Variants in DLGAP4 observed in about 807,000 individuals in gnomAD.
DLGAP4 encodes disks large-associated protein 4.
DLGAP4 carries 18 observed loss-of-function variants against 86.9 expected under a neutral mutation model. That is an observed-to-expected ratio of 0.21 (90% CI 0.14 to 0.31). The LOEUF is 0.31. Ranked by LOEUF, DLGAP4 falls within the 10% of genes least tolerant of loss-of-function variation. The probability of loss-of-function intolerance (pLI) is 1.00; values close to 1 mark genes in which losing one functional copy is unlikely to be tolerated. For missense variants in DLGAP4, 1,085 were observed against 1,362.6 expected, an observed-to-expected ratio of 0.80 and a Z score of 3.21; for synonymous variants, 548 against 574.3, an observed-to-expected ratio of 0.95 and a Z score of 0.65.
At chr20:36,369,577 T>C (rs780419232) in intron 2 of DLGAP4, among the ~76,000 whole-genome samples, 1 of 151,964 alleles carries the variant, frequency 6.6e-6, no homozygotes, top group East Asian at 1.9e-4. Context: ...CCAGACTCTG[T>C]CTCAAAAAAT....
chr20:36,523,841 T>C (rs2037533260), intron 10 of DLGAP4, among the ~76,000 whole-genome samples: 1 of 152,122 alleles, frequency 6.6e-6, no homozygotes, highest in South Asian at 2.1e-4. Context: ...TTTTCATATA[T>C]TTGTAGAGAC....
intron 7 of DLGAP4, among the ~76,000 whole-genome samples, chr20:36,489,270 A>C (rs1338497218): frequency 6.6e-6 from 1 of 152,104 alleles, no homozygotes; most frequent in African/African-American, 2.4e-5. Context: ...GCACATATAG[A>C]ATTAGTAAGT....
chr20:36,358,661 A>C (rs2030414148), intron 1 of DLGAP4, among the ~76,000 whole-genome samples: 1 of 152,108 alleles, frequency 6.6e-6, no homozygotes, highest in African/African-American at 2.4e-5. Context: ...ACAAAAAATT[A>C]GCCGGGTGTG....
At chr20:36,474,594 T>C (rs2147677450) in intron 7 of DLGAP4, among the ~76,000 whole-genome samples, 1 of 152,288 alleles carries the variant, frequency 6.6e-6, no homozygotes, top group Non-Finnish European at 1.5e-5. Context: ...GATGCAGTAA[T>C]AGGAGTTGTC....
At chr20:36,415,453 G>T (rs2032626215) in intron 2 of DLGAP4, among the ~76,000 whole-genome samples, 1 of 152,120 alleles carries the variant, frequency 6.6e-6, no homozygotes, top group African/African-American at 2.4e-5. Context: ...GCCCTGTCTG[G>T]CTCTAGAGCC....
chr20:36,318,988 A>C (rs1463561062), intron 1 of DLGAP4, among the ~76,000 whole-genome samples: 1 of 152,054 alleles, frequency 6.6e-6, no homozygotes, highest in Non-Finnish European at 1.5e-5. Context: ...TACTAAAAAT[A>C]CAAAAATTAG....
At chr20:36,515,740 C>A (rs879460924) in intron 10 of DLGAP4, among the ~76,000 whole-genome samples, 2 of 152,290 alleles carry the variant, frequency 1.3e-5, no homozygotes, top group Middle Eastern at 3.4e-3. Flanking sequence ...TTCTGAGGTG[C>A]CTTTTTTCCT....
At chr20:36,382,993 C>T (rs1452432336) in intron 2 of DLGAP4, among the ~76,000 whole-genome samples, 1 of 152,200 alleles carries the variant, frequency 6.6e-6, no homozygotes, top group East Asian at 1.9e-4. Context: ...AAGCTGTTTA[C>T]TAAGCCCTTT....
At chr20:36,477,882 A>G (rs1192404419) in intron 7 of DLGAP4, among the ~76,000 whole-genome samples, 1 of 152,238 alleles carries the variant, frequency 6.6e-6, no homozygotes, top group Non-Finnish European at 1.5e-5. Flanking sequence ...GTCATACGGC[A>G]CTTCACTGGT....
At chr20:36,317,331 CTT>C (rs2065118506) in intron 1 of DLGAP4, among the ~76,000 whole-genome samples, 2 of 120,646 alleles carry the variant, frequency 1.7e-5, no homozygotes, top group Non-Finnish European at 3.6e-5. Flanking sequence ...CTTCCTTCCT[CTT>C]TCTCTCTTTC....
At chr20:36,453,934 CAAAAAAAAAA>C (rs1194294335) in intron 7 of DLGAP4, among the ~76,000 whole-genome samples, 4 of 42,694 alleles carry the variant, frequency 9.4e-5, no homozygotes, top group African/African-American at 2.6e-4. Context: ...ACTCTGTCTC[CAAAAAAAAAA>C]AAAAAAAAAA....
At chr20:36,367,416 C>T (rs1302595550) in intron 2 of DLGAP4, 141 bp downstream of exon 2, 3 of 152,224 alleles carry the variant, frequency 2.0e-5, no homozygotes, top group East Asian at 1.9e-4. Flanking sequence ...GTCTGGGCAC[C>T]ATTTATAGTT....
intron 7 of DLGAP4, chr20:36,461,405 CGCGGGGG>C: frequency 2.1e-6 from 2 of 962,194 alleles, no homozygotes; most frequent in Non-Finnish European, 2.5e-6. Context: ...GCGCGGCTGA[CGCGGGGG>C]GCGGGGAGGG....
rs906032493 is a variant in DLGAP4 at position 36,499,376 on chromosome 20, C to CGCCCGCCT, written c.2011-203_2011-196dup. 6 of 1,549,598 alleles carry CGCCCGCCT rather than the reference C, an allele frequency of 3.9e-6. No individual in the cohort carries two copies. In the African/African-American group the frequency reaches 4.1e-5, roughly 11 times the overall value. Reference sequence around the variant, plus strand: ...CCCACCTCCCGCCCACCTGCCCGCCCGCCCGCCTGCCCGCCTCCACGCGAA... The same window carrying CGCCCGCCT: ...CCCACCTCCCGCCCACCTGCCCGCCCGCCCGCCTGCCCGCCTGCCCGCCTCCACGCGAA... On this transcript the variant is annotated intron_variant, in intron 8 of 12. Coordinates refer to ENST00000339266, the MANE Select transcript of DLGAP4 (RefSeq NM_001365621.2).
chr20:36,360,403 C>G (rs1486024991), intron 1 of DLGAP4, among the ~76,000 whole-genome samples: 1 of 152,210 alleles, frequency 6.6e-6, no homozygotes, highest in African/African-American at 2.4e-5. Context: ...CCTCAGACAT[C>G]CCAGGTGTCT....
chr20:36,523,647 A>G (rs777997179), intron 10 of DLGAP4, among the ~76,000 whole-genome samples: 2 of 152,120 alleles, frequency 1.3e-5, no homozygotes, highest in African/African-American at 2.4e-5. Flanking sequence ...CAGTTTCTTA[A>G]AAATATTTAT....
Position 36,432,829 on chromosome 20 carries a change from T to A in DLGAP4, c.999+113T>A. ...AAAGTCACTTCATTCTGGGCCTCTG[T>A]GGCTCAGCTATAAAATGGGTGGCCT... is the stretch of plus-strand genomic sequence containing the variant. On this transcript the variant is annotated intron_variant, in intron 3 of 12. Transcript: ENST00000339266. This position sits in a 1 kb window ranked among gnomAD's most constrained non-coding sequence, Gnocchi z 6.5. The A allele has an allele frequency of 7.3e-7, 1 of 1,373,960 alleles. No individual in the cohort carries two copies. Among genetic ancestry groups the A allele is most frequent in the Non-Finnish European group, 9.9e-7 (1 of 1,008,928 alleles). 85.1% of individuals were successfully genotyped at this position (1,373,960 alleles called of 1,614,324 possible).
At chr20:36,361,613 C>T (rs918160539) in intron 1 of DLGAP4, among the ~76,000 whole-genome samples, 1 of 151,946 alleles carries the variant, frequency 6.6e-6, no homozygotes. Context: ...GGTACTGGCC[C>T]GGACGGGGGC....
At chr20:36,437,024 G>T (rs1300448326) in intron 4 of DLGAP4, among the ~76,000 whole-genome samples, 2 of 151,970 alleles carry the variant, frequency 1.3e-5, no homozygotes, top group African/African-American at 2.4e-5. Context: ...CAGGAGTCCC[G>T]CCTTCCTCCC....
Sources: gnomAD v4.1 joint callset for allele counts (sites outside exome capture counted in the v4.1 genomes callset) on GRCh38, gnomAD v4.1.1 for gene constraint, Gnocchi (gnomAD v3.1) non-coding constraint, MANE v1.5 for transcripts, NCBI Gene and HGNC (gene_info 2026-07-23, HGNC 2026-07-21) for gene names.